Variants in TP63 observed in about 807,000 individuals in gnomAD.
TP63 encodes tumor protein p63.
A neutral mutation model predicts 82.8 loss-of-function variants in TP63; 17 were observed. The ratio of observed to expected loss-of-function variants is 0.21; its 90% CI spans 0.14 to 0.31. The LOEUF (loss-of-function observed/expected upper bound fraction) is 0.31, where lower values mean the gene tolerates loss of function less well. Among genes scored for constraint, TP63 ranks in the 10% least tolerant of loss-of-function variants. The probability of loss-of-function intolerance (pLI) is 1.00; values close to 1 mark genes in which losing one functional copy is unlikely to be tolerated. For synonymous variants in TP63, 330 were observed against 321.7 expected (o/e 1.03, Z -0.28); for missense variants, 648 against 895.3 (o/e 0.72, Z 3.52).
intron 3 of TP63, among the ~76,000 whole-genome samples, chr3:189,774,254 C>G (rs1449466848): frequency 6.6e-6 from 1 of 152,090 alleles, no homozygotes; most frequent in African/African-American, 2.4e-5. Context: ...GAAAATATTG[C>G]TGAATATGAA....
At chr3:189,641,523 T>G (rs1161350478) in intron 1 of TP63, among the ~76,000 whole-genome samples, 1 of 152,162 alleles carries the variant, frequency 6.6e-6, no homozygotes, top group Non-Finnish European at 1.5e-5. Context: ...TCTAGGTTCA[T>G]AATTTTTTTA....
chr3:189,606,733 A>G, the TP63 span, among the ~76,000 whole-genome samples: 1 of 151,316 alleles, frequency 6.6e-6, no homozygotes, highest in African/African-American at 2.4e-5. Flanking sequence ...TCCAACTCCT[A>G]CTCCTGGCCT....
At position 189,858,123 on chromosome 3, in the gene TP63, AGGCCGGGCGCGG is replaced by A. The variant is rs1560266622; in HGVS notation, c.580-6108_580-6097del. Among the ~76,000 whole-genome samples, 146 of 74,456 alleles carry A rather than the reference AGGCCGGGCGCGG, an allele frequency of 2.0e-3. 47 individuals carry two copies. Among genetic ancestry groups the A allele is most frequent in the African/African-American group, 4.5e-3 (68 of 15,110 alleles). The allele number at this position is 74,456 out of a possible 152,430, so 48.8% of individuals were successfully genotyped here. On this transcript the variant is annotated intron_variant, in intron 4 of 13. Transcript: ENST00000264731. ...AAATGGATAAGAAAATGTTGTGTAT[AGGCCGGGCGCGG>A]TGGCTCACGCCTGTAATCCCAGCAC... is the stretch of plus-strand genomic sequence containing the variant.
intron 1 of TP63, among the ~76,000 whole-genome samples, chr3:189,679,970 G>C (rs921651197): frequency 6.6e-6 from 1 of 151,998 alleles, no homozygotes; most frequent in Non-Finnish European, 1.5e-5. Flanking sequence ...GTTCCATTTG[G>C]TATACATGTT....
chr3:189,613,494 A>G, the TP63 span, among the ~76,000 whole-genome samples: 5 of 152,348 alleles, frequency 3.3e-5, no homozygotes, highest in Admixed American at 3.3e-4. Context: ...CAGGGCCCTC[A>G]TGGAGAACCT....
chr3:189,818,122 A>G lies in TP63; in HGVS notation c.579+9596A>G, dbSNP rs560904568. 2.0e-5 allele frequency among the ~76,000 whole-genome samples: 3 copies of G among 151,968 alleles called. No homozygotes were observed. In the East Asian group the frequency reaches 5.8e-4, roughly 29 times the overall value. ...TACTGTGTGTTCATTTGAGATTTTC[A>G]TATTTATAAAATATAAAAATGTATA... On this transcript the variant is annotated intron_variant, in intron 4 of 13. Coordinates refer to ENST00000264731, the MANE Select transcript of TP63 (RefSeq NM_003722.5).
chr3:189,833,120 A>G (rs530870942), intron 4 of TP63, among the ~76,000 whole-genome samples: 1 of 152,200 alleles, frequency 6.6e-6, no homozygotes, highest in Non-Finnish European at 1.5e-5. Flanking sequence ...CTCCACCACC[A>G]TGAGGTTGAA....
chr3:189,779,572 G>A (rs946913351), intron 3 of TP63, among the ~76,000 whole-genome samples: 1 of 152,196 alleles, frequency 6.6e-6, no homozygotes, highest in Non-Finnish European at 1.5e-5. Flanking sequence ...GATTTGCTCT[G>A]ATATGGAATT....
intron 4 of TP63, among the ~76,000 whole-genome samples, chr3:189,857,138 T>C (rs761042213): frequency 6.6e-6 from 1 of 152,112 alleles, no homozygotes; most frequent in African/African-American, 2.4e-5. Context: ...ATAAAGTAGA[T>C]TAACCCAAAC....
intron 4 of TP63, chr3:189,829,797 A>G (rs566208415): frequency 3.5e-5 from 7 of 202,116 alleles, no homozygotes; most frequent in African/African-American, 1.4e-4. Flanking sequence ...AGTTTCAAAG[A>G]TTTCTATACT....
intron 4 of TP63, among the ~76,000 whole-genome samples, chr3:189,847,345 G>A (rs895399882): frequency 8.5e-5 from 13 of 152,302 alleles, no homozygotes; most frequent in South Asian, 4.1e-4. Flanking sequence ...GTGACAGAGC[G>A]AAGCTCAGTC....
At chr3:189,823,112 A>G (rs926278199) in intron 4 of TP63, among the ~76,000 whole-genome samples, 4 of 152,168 alleles carry the variant, frequency 2.6e-5, no homozygotes, top group Admixed American at 6.5e-5. Context: ...ATGCCAGACC[A>G]TTGGTTAACT....
At chr3:189,888,145 A>ACCG (rs2108858743) in intron 11 of TP63, among the ~76,000 whole-genome samples, 1 of 152,290 alleles carries the variant, frequency 6.6e-6, no homozygotes, top group East Asian at 1.9e-4. Flanking sequence ...GGCGTGAGCC[A>ACCG]CCGCGCCTGG....
intron 3 of TP63, among the ~76,000 whole-genome samples, chr3:189,742,243 C>CA (rs140413709): frequency 0.015 from 1,166 of 77,534 alleles, 35 homozygotes; most frequent in African/African-American, 0.026. Flanking sequence ...AACTCCATCC[C>CA]AAAAAAAAAA....
chr3:189,655,177 G>A (rs747541945), intron 1 of TP63, among the ~76,000 whole-genome samples: 10 of 152,132 alleles, frequency 6.6e-5, no homozygotes, highest in Non-Finnish European at 1.5e-4. Context: ...TTCTATAAAA[G>A]TTTTAAAAAA....
chr3:189,663,736 C>T (rs192026877), intron 1 of TP63, among the ~76,000 whole-genome samples: 108 of 151,990 alleles, frequency 7.1e-4, no homozygotes, highest in African/African-American at 2.5e-3. Context: ...CCATCTTGGC[C>T]AGGCTGGTGT....
At chr3:189,747,279 A>G (rs1293008469) in intron 3 of TP63, among the ~76,000 whole-genome samples, 2 of 152,222 alleles carry the variant, frequency 1.3e-5, no homozygotes, top group East Asian at 3.9e-4. Flanking sequence ...CATGTTATCC[A>G]ACAGCTACGG....
At chr3:189,890,126 C>T (rs1050831632) in intron 12 of TP63, among the ~76,000 whole-genome samples, 1 of 152,174 alleles carries the variant, frequency 6.6e-6, no homozygotes, top group Non-Finnish European at 1.5e-5. Flanking sequence ...TCTTCTGCTT[C>T]ATGTGCAGAA....
chr3:189,798,955 TTTAA>T (rs1172359252), intron 3 of TP63, among the ~76,000 whole-genome samples: 2 of 152,170 alleles, frequency 1.3e-5, no homozygotes, highest in Non-Finnish European at 2.9e-5. Flanking sequence ...CACTAAAAAC[TTTAA>T]TTATCTCAAA....
Sources: gnomAD v4.1 joint callset for allele counts (sites outside exome capture counted in the v4.1 genomes callset) on GRCh38, gnomAD v4.1.1 for gene constraint, MANE v1.5 for transcripts, NCBI Gene and HGNC (gene_info 2026-07-23, HGNC 2026-07-21) for gene names.